KANSL1: variants seen among roughly 807,000 people sequenced by gnomAD.
KANSL1 encodes MLL1/MLL complex subunit KANSL1.
KANSL1 carries 22 observed loss-of-function variants against 103.6 expected under a neutral mutation model. The ratio of observed to expected loss-of-function variants is 0.21; its 90% CI spans 0.15 to 0.30. KANSL1 has a LOEUF of 0.30. Among genes scored for constraint, KANSL1 ranks in the 10% least tolerant of loss-of-function variants. The pLI is 1.00. For synonymous variants in KANSL1, 600 were observed against 527.6 expected (o/e 1.14, Z -1.88); for missense variants, 1,337 against 1,399.8 (o/e 0.96, Z 0.72).
intron 1 of KANSL1, 177 bp downstream of exon 1, chr17:46,192,646 G>C (rs772944302): frequency 3.3e-5 from 5 of 153,230 alleles, no homozygotes; most frequent in African/African-American, 7.2e-5. Context: ...CTCCCAGCCC[G>C]GACCCGCAGC....
At chr17:46,112,365 T>C (rs185563193) in intron 2 of KANSL1, among the ~76,000 whole-genome samples, 409 of 76,582 alleles carry the variant, frequency 5.3e-3, no homozygotes, top group Non-Finnish European at 7.4e-3. Flanking sequence ...TGAAACTCTG[T>C]CTCAAAAAAA....
chr17:46,166,556 T>G (rs2046011329), intron 2 of KANSL1, among the ~76,000 whole-genome samples: 1 of 151,796 alleles, frequency 6.6e-6, no homozygotes, highest in Non-Finnish European at 1.5e-5. Context: ...CTCACTGCAA[T>G]CAAGACCATC....
At chr17:46,095,995 A>T (rs1307003031) in intron 2 of KANSL1, among the ~76,000 whole-genome samples, 1 of 152,240 alleles carries the variant, frequency 6.6e-6, no homozygotes, top group Non-Finnish European at 1.5e-5. Flanking sequence ...AGTCTCATAA[A>T]GCCAACAGGT....
chr17:46,069,701 G>A (rs77579029), intron 4 of KANSL1, among the ~76,000 whole-genome samples: 6,429 of 152,032 alleles, frequency 0.042, 453 homozygotes, highest in African/African-American at 0.15. Flanking sequence ...GCCAAATCAC[G>A]CCACTGCACT....
intron 3 of KANSL1, among the ~76,000 whole-genome samples, chr17:46,085,402 T>C (rs925003133): frequency 1.3e-5 from 2 of 152,230 alleles, no homozygotes; most frequent in African/African-American, 2.4e-5. Context: ...TAAAGCACGG[T>C]GATTGTATCT....
At chr17:46,128,502 T>C (rs906212461) in intron 2 of KANSL1, among the ~76,000 whole-genome samples, 2 of 152,054 alleles carry the variant, frequency 1.3e-5, no homozygotes, top group Non-Finnish European at 2.9e-5. Context: ...CTGTGACAAG[T>C]GTTATAAAGA....
intron 1 of KANSL1, among the ~76,000 whole-genome samples, chr17:46,214,290 C>T (rs936184108): frequency 1.3e-4 from 20 of 152,146 alleles, no homozygotes; most frequent in African/African-American, 4.8e-4. Context: ...CCACTGATAC[C>T]CTCCTAAAGA....
intron 4 of KANSL1, among the ~76,000 whole-genome samples, chr17:46,068,171 T>A (rs1487753992): frequency 6.6e-6 from 1 of 152,140 alleles, no homozygotes; most frequent in Non-Finnish European, 1.5e-5. Context: ...AACATCAGTA[T>A]CAAGATGACT....
At chr17:46,196,462 A>G, upstream of KANSL1, 3 of 456,182 alleles carry the variant, frequency 6.6e-6, no homozygotes, top group Non-Finnish European at 1.3e-5. Flanking sequence ...ATGGAGGAAA[A>G]AACAGTCCCT....
chr17:46,055,658 A>G (rs1276500939), intron 6 of KANSL1, among the ~76,000 whole-genome samples: 3 of 152,154 alleles, frequency 2.0e-5, no homozygotes, highest in Admixed American at 1.3e-4. Flanking sequence ...AATCTAAAAG[A>G]TACAACTGAA....
chr17:46,071,623 T>G (rs138844074), intron 4 of KANSL1, among the ~76,000 whole-genome samples: 16 of 152,360 alleles, frequency 1.1e-4, no homozygotes, highest in African/African-American at 3.4e-4. Flanking sequence ...TAAATCCGCA[T>G]ACTAATTTCA....
upstream of KANSL1, among the ~76,000 whole-genome samples, chr17:46,225,069 C>G (rs2048643539): frequency 6.6e-6 from 1 of 151,524 alleles, no homozygotes; most frequent in South Asian, 2.1e-4. Context: ...GCCAGTCGGC[C>G]GGCAGCCGGC....
intron 2 of KANSL1, among the ~76,000 whole-genome samples, chr17:46,146,596 G>A (rs942100906): frequency 8.9e-6 from 1 of 112,558 alleles, no homozygotes; most frequent in African/African-American, 2.6e-5. Flanking sequence ...CACTTTGGGA[G>A]GCCGAAGCCG....
upstream of KANSL1, among the ~76,000 whole-genome samples, chr17:46,198,670 T>G (rs895081687): frequency 4.6e-5 from 7 of 152,346 alleles, no homozygotes; most frequent in Non-Finnish European, 7.3e-5. Context: ...AGGTGGAGGA[T>G]GCAGTGAGCC....
At chr17:46,139,495 CAT>C (rs1428151691) in intron 2 of KANSL1, among the ~76,000 whole-genome samples, 2 of 152,308 alleles carry the variant, frequency 1.3e-5, no homozygotes, top group Admixed American at 1.3e-4. Flanking sequence ...TAAATGTGCA[CAT>C]GTGTACTCAA....
At chr17:46,165,988 A>AG (rs72245049) in intron 2 of KANSL1, among the ~76,000 whole-genome samples, 21,892 of 151,492 alleles carry the variant, frequency 0.14, 2,129 homozygotes, top group Non-Finnish European at 0.22. Flanking sequence ...AGGTGGGTGG[A>AG]TTACCTGAGG....
At chr17:46,126,830 G>T (rs576141469) in intron 2 of KANSL1, among the ~76,000 whole-genome samples, 2 of 152,280 alleles carry the variant, frequency 1.3e-5, no homozygotes, top group South Asian at 4.1e-4. Flanking sequence ...AAGTAGGAAA[G>T]AATAATGTGA....
intron 1 of KANSL1, 80 bp from the exon 2 acceptor site, chr17:46,172,312 G>C (rs191236249): frequency 1.4e-6 from 1 of 728,704 alleles, no homozygotes; most frequent in African/African-American, 1.8e-5. Context: ...AGCACTACTT[G>C]AGGCTGTTGT....
Position 46,034,166 on chromosome 17 carries a change from C to T in KANSL1, c.2661G>A (p.Thr887=), listed in dbSNP as rs769682055. The change falls in exon 11 of 15, where the codon ACG becomes ACA. Residue 887 remains threonine, a synonymous_variant. Transcript: ENST00000432791. ...VEKLQYKEIL[T]PSWREVDLQS... ...CAACTATTCTGAGCTTCTACCTGGG[C>T]GTAAGGATTTCCTTGTATTGCAGTT... The T allele has an allele frequency of 1.2e-6, 2 of 1,613,788 alleles. No homozygotes were observed. The highest frequency in any genetic ancestry group is 1.7e-5 in the Admixed American group (1 of 59,978).
Sources: gnomAD v4.1 joint callset for allele counts (sites outside exome capture counted in the v4.1 genomes callset) on GRCh38, gnomAD v4.1.1 for gene constraint, MANE v1.5 for transcripts, NCBI Gene and HGNC (gene_info 2026-07-23, HGNC 2026-07-21) for gene names.